The following NGEF variants were observed in gnomAD, a reference collection of about 807,000 sequenced individuals.
NGEF encodes neuronal guanine nucleotide exchange factor.
NGEF carries 31 observed loss-of-function variants against 80.9 expected under a neutral mutation model. That is an observed-to-expected ratio of 0.38 (90% CI 0.29 to 0.52). NGEF has a LOEUF of 0.52. Among genes scored for constraint, NGEF ranks in the 20% least tolerant of loss-of-function variants. The pLI, the probability that NGEF is intolerant of heterozygous loss-of-function variation, is 0.84. For missense variants in NGEF, 709 were observed against 926.2 expected (o/e 0.77, Z 3.04); for synonymous variants, 371 against 370.2 (o/e 1.00, Z -0.03).
intron 8 of NGEF, among the ~76,000 whole-genome samples, chr2:232,889,040 T>C (rs1244308782): frequency 6.6e-6 from 1 of 152,106 alleles, no homozygotes; most frequent in Non-Finnish European, 1.5e-5. Flanking sequence ...GCAGCACAGA[T>C]GTCTCCCCTG....
At chr2:232,893,360 T>TA (rs1691943636) in intron 6 of NGEF, among the ~76,000 whole-genome samples, 1 of 152,140 alleles carries the variant, frequency 6.6e-6, no homozygotes, top group African/African-American at 2.4e-5. Context: ...AAGGGTCCCC[T>TA]GGGGGGTAGG....
intron 4 of NGEF, among the ~76,000 whole-genome samples, chr2:232,926,087 G>C (rs1693059634): frequency 1.3e-5 from 2 of 152,216 alleles, no homozygotes; most frequent in South Asian, 4.1e-4. Context: ...GGTGGCGATG[G>C]AAGCTCCACT....
In NGEF at chr2:232,883,928, C is replaced by A. The variant is rs1036515957; in HGVS notation, c.1601+53G>T. The A allele has an allele frequency of 1.3e-5, 20 of 1,530,146 alleles. No homozygotes were observed. In the African/African-American group the frequency reaches 2.6e-4, roughly 20 times the overall value. The allele number at this position is 1,530,146 out of a possible 1,614,324, so 94.8% of individuals were successfully genotyped here. ...CCCAGGCCACAATCAAACCCAATGC[C>A]CAACACACTCCTCTACCCACCGGAG... is the stretch of plus-strand genomic sequence containing the variant. On this transcript the variant is annotated intron_variant, in intron 11 of 14. Coordinates refer to ENST00000264051, the MANE Select transcript of NGEF (RefSeq NM_019850.3).
At chr2:232,929,988 C>T (rs1693186137) in intron 3 of NGEF, among the ~76,000 whole-genome samples, 1 of 152,154 alleles carries the variant, frequency 6.6e-6, no homozygotes. Context: ...CTCTCTCTTG[C>T]CTGCTGCCAT....
At chr2:232,979,041 G>A (rs886773711) in intron 1 of NGEF, among the ~76,000 whole-genome samples, 8 of 152,134 alleles carry the variant, frequency 5.3e-5, no homozygotes, top group South Asian at 2.1e-4. Flanking sequence ...ATGCAACGAC[G>A]CCCACACCAT....
chr2:232,940,939 C>A (rs1407950665), intron 3 of NGEF, among the ~76,000 whole-genome samples: 1 of 152,162 alleles, frequency 6.6e-6, no homozygotes, highest in East Asian at 1.9e-4. Flanking sequence ...GCCAATTCCT[C>A]AAGACAGGGG....
chr2:232,884,424 G>A (rs900185221), intron 10 of NGEF, among the ~76,000 whole-genome samples: 1 of 152,206 alleles, frequency 6.6e-6, no homozygotes, highest in African/African-American at 2.4e-5. Flanking sequence ...GTACCCACAT[G>A]TGAGCTTAAA....
chr2:232,971,703 C>T (rs1694187637), intron 2 of NGEF, among the ~76,000 whole-genome samples: 1 of 152,138 alleles, frequency 6.6e-6, no homozygotes, highest in Non-Finnish European at 1.5e-5. Flanking sequence ...AAACAAACAA[C>T]CCCTGCAAAT....
At chr2:232,899,345 C>G (rs1692201667) in intron 5 of NGEF, among the ~76,000 whole-genome samples, 1 of 152,164 alleles carries the variant, frequency 6.6e-6, no homozygotes, top group African/African-American at 2.4e-5. Context: ...ATGGCGCTCT[C>G]AGCTCTGTTG....
In NGEF at chr2:232,883,429, G is replaced by A. The variant is rs746081707; in HGVS notation, c.1639C>T (p.Leu547=). The change falls in exon 12 of 15, where the codon CTG becomes TTG. Residue 547 remains leucine (L), a synonymous_variant. Transcript: ENST00000264051. ...YQVFDSAPRG[L]LRVEELEDQG... The stretch of plus-strand genomic sequence containing the variant: ...TCCTCCAGCTCCTCCACACGCAGCA[G>A]TCCCCGCGGAGCTGAGTCAAATACC... The A allele has an allele frequency of 1.9e-6, 3 of 1,609,056 alleles. No homozygotes were observed. The highest frequency in any genetic ancestry group is 3.4e-5 in the Admixed American group (2 of 59,328).
At chr2:232,956,124 T>C (rs1693824209) in intron 3 of NGEF, among the ~76,000 whole-genome samples, 1 of 152,094 alleles carries the variant, frequency 6.6e-6, no homozygotes, top group Non-Finnish European at 1.5e-5. Context: ...ATGAGGTAAT[T>C]GAGGCTTGAG....
chr2:232,889,012 C>T (rs537219097), intron 8 of NGEF, among the ~76,000 whole-genome samples: 39 of 152,268 alleles, frequency 2.6e-4, no homozygotes, highest in Non-Finnish European at 4.7e-4. Context: ...CCTGTCCTCC[C>T]GGCTGCTGGG....
At chr2:232,927,208 AG>A (rs1693091402) in intron 3 of NGEF, 22 bp from the exon 4 acceptor site, 1 of 1,543,930 alleles carries the variant, frequency 6.5e-7, no homozygotes, top group Non-Finnish European at 8.7e-7. Context: ...GGAGGAGGAC[AG>A]GGGCTGGTTA....
chr2:232,930,638 G>C (rs1485091275), intron 3 of NGEF, among the ~76,000 whole-genome samples: 2 of 152,162 alleles, frequency 1.3e-5, no homozygotes, highest in South Asian at 2.1e-4. Context: ...ACCACGCCTG[G>C]CCTCTCTGGG....
chr2:232,929,483 C>T (rs1431058061), intron 3 of NGEF, among the ~76,000 whole-genome samples: 2 of 152,210 alleles, frequency 1.3e-5, no homozygotes, highest in African/African-American at 4.8e-5. Flanking sequence ...TCTAAAGCTG[C>T]CACTTAGCCC....
intron 3 of NGEF, among the ~76,000 whole-genome samples, chr2:232,934,432 G>A (rs750505101): frequency 7.3e-5 from 11 of 151,452 alleles, no homozygotes; most frequent in African/African-American, 1.5e-4. Flanking sequence ...GTGAAATTAC[G>A]TATGTTAAGA....
chr2:232,926,291 C>T (rs764307188), intron 4 of NGEF, among the ~76,000 whole-genome samples: 13 of 151,876 alleles, frequency 8.6e-5, no homozygotes, highest in Non-Finnish European at 1.9e-4. Context: ...CATTCATTCA[C>T]GGGTGCCTCT....
intron 1 of NGEF, among the ~76,000 whole-genome samples, chr2:233,011,893 T>C (rs1220399239): frequency 1.3e-5 from 2 of 152,110 alleles, no homozygotes; most frequent in African/African-American, 4.8e-5. Flanking sequence ...GGGGTTCCCA[T>C]GACAATTTGG....
chr2:232,948,024 T>A (rs1313364566), intron 3 of NGEF, among the ~76,000 whole-genome samples: 1 of 152,110 alleles, frequency 6.6e-6, no homozygotes, highest in Non-Finnish European at 1.5e-5. Context: ...GCATTTAGAG[T>A]TTCATTCAAT....
Sources: gnomAD v4.1 joint callset for allele counts (sites outside exome capture counted in the v4.1 genomes callset) on GRCh38, gnomAD v4.1.1 for gene constraint, MANE v1.5 for transcripts, NCBI Gene and HGNC (gene_info 2026-07-23, HGNC 2026-07-21) for gene names.